MCOLN3: variants seen among roughly 807,000 people sequenced by gnomAD.
MCOLN3 encodes the protein mucolipin-3.
MCOLN3 carries 62 observed loss-of-function variants against 69.4 expected under a neutral mutation model. The ratio of observed to expected loss-of-function variants is 0.89; its 90% confidence interval spans 0.73 to 1.10. The LOEUF (loss-of-function observed/expected upper bound fraction) is 1.10, where lower values mean the gene tolerates loss of function less well. MCOLN3 is among the 50% of genes least tolerant of loss of function. The pLI is 0.00. For missense variants in MCOLN3, 564 were observed against 656.4 expected, an observed-to-expected ratio of 0.86 and a Z score of 1.54; for synonymous variants, 183 against 217.0, an observed-to-expected ratio of 0.84 and a Z score of 1.38.
chr1:85,021,244 AAGGCACTCAG>A lies in MCOLN3; in HGVS notation c.1343_1352del (p.Ser448PhefsTer4). The A allele has an allele frequency of 1.2e-6, 2 of 1,613,766 alleles. No homozygotes were observed. The highest frequency in any genetic ancestry group is 3.3e-5 in the Admixed American group (2 of 60,006). ...TATCATCTCCATTTATCAGAGAGAA[AAGGCACTCAG>A]AGACCATGTTCAGAGAACGAAACTG... is the stretch of plus-strand genomic sequence containing the variant. On this transcript the variant is annotated frameshift_variant, in exon 12 of 13. Transcript: ENST00000370589. LOFTEE classifies it high-confidence loss of function.
At chr1:85,021,962 T>C in intron 11 of MCOLN3, 108 bp downstream of exon 11, 9 of 1,405,204 alleles carry the variant, frequency 6.4e-6, no homozygotes, top group Non-Finnish European at 8.7e-6. Context: ...CCTTCAACAT[T>C]TTAAGGCTGA....
At chr1:85,039,479 T>C (rs192739991) in intron 3 of MCOLN3, among the ~76,000 whole-genome samples, 40 of 152,324 alleles carry the variant, frequency 2.6e-4, no homozygotes, top group African/African-American at 9.1e-4. Flanking sequence ...TCCGGAATTA[T>C]TAGGCAGAAA....
intron 6 of MCOLN3, among the ~76,000 whole-genome samples, chr1:85,032,472 C>T (rs917336293): frequency 1.3e-5 from 2 of 152,140 alleles, no homozygotes; most frequent in Non-Finnish European, 1.5e-5. Context: ...AAAACAAGGT[C>T]CCTGCTTTTC....
At chr1:85,024,544 T>G (rs530460668) in intron 9 of MCOLN3, 1 of 152,256 alleles carries the variant, frequency 6.6e-6, no homozygotes, top group Admixed American at 6.5e-5. Context: ...AATTCTGTTT[T>G]TTTTTTCTAT....
At chr1:85,047,128 G>A (rs1571134040) in intron 1 of MCOLN3, among the ~76,000 whole-genome samples, 1 of 152,164 alleles carries the variant, frequency 6.6e-6, no homozygotes, top group South Asian at 2.1e-4. Context: ...TTGGTGAGTT[G>A]TATATTGACA....
intron 9 of MCOLN3, among the ~76,000 whole-genome samples, chr1:85,024,041 TGA>T (rs1652092411): frequency 6.6e-6 from 1 of 151,414 alleles, no homozygotes; most frequent in South Asian, 2.1e-4. Context: ...ACCGAAAGAA[TGA>T]GATTTTGGGG....
At position 85,019,052 on chromosome 1, in the gene MCOLN3, T is replaced by G; in HGVS notation, c.*71A>C. ...GTCTTCAAACATACTACATCTGATCTCAGAATATCCACAGTGTTCCAACTC... is the reference window on the plus strand; with the variant it reads ...GTCTTCAAACATACTACATCTGATCGCAGAATATCCACAGTGTTCCAACTC... On this transcript the variant is annotated 3_prime_UTR_variant, in exon 13 of 13. Coordinates refer to ENST00000370589, the MANE Select transcript of MCOLN3 (RefSeq NM_018298.11). The G allele has an allele frequency of 1.4e-6, 2 of 1,461,724 alleles. No individual in the cohort carries two copies. The highest frequency in any genetic ancestry group is 1.4e-5 in the African/African-American group (1 of 71,164). The allele number at this position is 1,461,724 out of a possible 1,614,324, so 90.5% of individuals were successfully genotyped here. A position where few individuals can be genotyped will look rare whatever the true frequency, so the allele number is the denominator to read the frequency against.
intron 6 of MCOLN3, among the ~76,000 whole-genome samples, chr1:85,030,998 C>G (rs1391440449): frequency 1.3e-5 from 2 of 152,100 alleles, no homozygotes. Flanking sequence ...GAGGGCCGGG[C>G]ACGGTGGCTC....
At chr1:85,033,556 A>C (rs1169181081) in intron 4 of MCOLN3, among the ~76,000 whole-genome samples, 1 of 152,188 alleles carries the variant, frequency 6.6e-6, no homozygotes, top group East Asian at 1.9e-4. Flanking sequence ...ATAATTGCAA[A>C]TAGAACTTTG....
intron 12 of MCOLN3, among the ~76,000 whole-genome samples, chr1:85,020,534 T>C (rs1385584118): frequency 6.6e-6 from 1 of 152,236 alleles, no homozygotes; most frequent in Non-Finnish European, 1.5e-5. Context: ...TCAGTTCAGG[T>C]ATCTGACTGT....
intron 9 of MCOLN3, among the ~76,000 whole-genome samples, chr1:85,024,169 C>T (rs901448818): frequency 3.3e-5 from 5 of 151,490 alleles, no homozygotes; most frequent in Admixed American, 6.6e-5. Flanking sequence ...TTAAAAAAAA[C>T]AGGTGGGGGA....
Position 85,045,330 on chromosome 1 carries a change from A to G in MCOLN3, c.31T>C (p.Cys11Arg), listed in dbSNP as rs777859683. The G allele has an allele frequency of 3.1e-6, 5 of 1,614,060 alleles. No homozygotes were observed. The South Asian group carries it at 5.5e-5, about 18-fold the overall frequency. The change falls in exon 2 of 13, where the codon TGC (cysteine) becomes CGC (arginine). Residue 11 changes from cysteine to arginine, a missense_variant. Cys to Arg is a radical substitution (Grantham distance 180). Coordinates refer to ENST00000370589, the MANE Select transcript of MCOLN3 (RefSeq NM_018298.11). MADPEVVVSS[C>R]SSHEEENRCN... ...CGATTTTCCTCTTCATGAGAGCTGC[A>G]GCTACTCACAACTACCTCAGGATCT...
chr1:85,047,080 T>C (rs557940910), intron 1 of MCOLN3, among the ~76,000 whole-genome samples: 18 of 152,336 alleles, frequency 1.2e-4, no homozygotes, highest in African/African-American at 4.1e-4. Context: ...AGCTCGCATA[T>C]GAACACCAAC....
chr1:85,020,063 G>GAATAACAC (rs1308708998), intron 12 of MCOLN3, among the ~76,000 whole-genome samples: 50 of 152,272 alleles, frequency 3.3e-4, no homozygotes, highest in African/African-American at 1.2e-3. Flanking sequence ...TGTCACCCTC[G>GAATAACAC]AATAACACAC....
intron 7 of MCOLN3, among the ~76,000 whole-genome samples, chr1:85,027,913 G>C (rs1652304835): frequency 6.6e-6 from 1 of 152,068 alleles, no homozygotes; most frequent in Admixed American, 6.5e-5. Context: ...ACTGCTCTCT[G>C]CTGACAAAAA....
At chr1:85,031,725 TA>T (rs969839234) in intron 6 of MCOLN3, among the ~76,000 whole-genome samples, 2 of 151,862 alleles carry the variant, frequency 1.3e-5, no homozygotes, top group African/African-American at 2.4e-5. Context: ...CATGGGCAAA[TA>T]AAAAAATGTT....
At chr1:85,043,527 C>CT (rs1653181521) in intron 2 of MCOLN3, among the ~76,000 whole-genome samples, 1 of 70,284 alleles carries the variant, frequency 1.4e-5, no homozygotes, top group Non-Finnish European at 3.4e-5. Flanking sequence ...GGGACTCCAT[C>CT]TCAAAAAAAA....
intron 11 of MCOLN3, 68 bp from the exon 12 acceptor site, chr1:85,021,344 A>G: frequency 7.6e-7 from 1 of 1,318,666 alleles, no homozygotes; most frequent in South Asian, 1.3e-5. Context: ...TTTGTTCATG[A>G]CATTGTATTA....
chr1:85,021,372 T>C (rs1180378301), intron 11 of MCOLN3, 96 bp from the exon 12 acceptor site: 44 of 963,252 alleles, frequency 4.6e-5, no homozygotes, highest in Non-Finnish European at 6.5e-5. Context: ...AGGGACCAGA[T>C]AACCCAAGCT....
Sources: gnomAD v4.1 joint callset for allele counts (sites outside exome capture counted in the v4.1 genomes callset) on GRCh38, gnomAD v4.1.1 for gene constraint, MANE v1.5 for transcripts, NCBI Gene and HGNC (gene_info 2026-07-23, HGNC 2026-07-21) for gene names.